PPIB: variants seen among roughly 807,000 people sequenced by gnomAD.
The protein encoded by PPIB is peptidylprolyl isomerase B.
PPIB carries 15 observed loss-of-function variants against 20.1 expected under a neutral mutation model. The observed-to-expected ratio is 0.75, with a 90% CI of 0.50 to 1.15. The LOEUF (loss-of-function observed/expected upper bound fraction) is 1.15, where lower values mean the gene tolerates loss of function less well. Ranked by LOEUF, PPIB falls within the 50% of genes most tolerant of loss-of-function variation. PPIB has a pLI of 0.00. For missense variants in PPIB, 278 were observed against 283.0 expected, an observed-to-expected ratio of 0.98 and a Z score of 0.13; for synonymous variants, 129 against 111.0, an observed-to-expected ratio of 1.16 and a Z score of -1.02.
rs189939991 is a variant in PPIB at position 64,161,280 on chromosome 15, T to A, written c.249+761A>T. The stretch of plus-strand genomic sequence containing the variant: ...CCCGGCCTTTTATTTTTAATTAATT[T>A]ATTTTTTTTTTGAGACAGGGTCTCA... On this transcript the variant is annotated intron_variant, in intron 2 of 4. Coordinates refer to ENST00000300026, the MANE Select transcript of PPIB (RefSeq NM_000942.5). This position sits in a 1 kb window ranked among gnomAD's most constrained non-coding sequence, Gnocchi z 4.2. Among the ~76,000 whole-genome samples, 29 of 152,040 alleles carry A rather than the reference T, an allele frequency of 1.9e-4. No homozygotes were observed. The highest frequency in any genetic ancestry group is 5.8e-4 in the East Asian group (3 of 5,160).
rs772423240 is a variant in PPIB, at chr15:64,162,872, CCTT to C, written c.112_114del (p.Lys38del). On this transcript the variant is annotated inframe_deletion, in exon 1 of 5. Coordinates refer to ENST00000300026, the MANE Select transcript of PPIB (RefSeq NM_000942.5). ...CGGACCTTGACGGTGACTTTGGGCC[CCTT>C]CTTCTTCTCATCGGCCGCAGAAGGT... The C allele has an allele frequency of 2.3e-5, 37 of 1,611,772 alleles. No individual in the cohort carries two copies. Among genetic ancestry groups the C allele is most frequent in the African/African-American group, 1.5e-4 (11 of 74,910 alleles).
rs541905319 is a variant in PPIB, at chr15:64,158,802, C to A, written c.343+1302G>T. Among the ~76,000 whole-genome samples, 1 of 152,354 alleles carries A rather than the reference C, an allele frequency of 6.6e-6. No homozygotes were observed. Among genetic ancestry groups the A allele is most frequent in the African/African-American group, 2.4e-5 (1 of 41,598 alleles). On this transcript the variant is annotated intron_variant, in intron 3 of 4. Coordinates refer to ENST00000300026, the MANE Select transcript of PPIB (RefSeq NM_000942.5). The surrounding 1 kb of genome is among the most constrained non-coding windows in gnomAD (Gnocchi z 4.7). ...TCCTCATTGAGGACCCCACTGAAATCTTTCCTCACATCCGCAAGGTCATTC... is the reference window on the plus strand; with the variant it reads ...TCCTCATTGAGGACCCCACTGAAATATTTCCTCACATCCGCAAGGTCATTC...
rs2081530595 is a variant in PPIB at position 64,156,247 on chromosome 15, G to C, written c.529-102C>G. ...GGCTCAGGAGGGCTAAGACCCACAA[G>C]TGATCAACAGCACACAAAACTGGAG... On this transcript the variant is annotated intron_variant, in intron 4 of 4. Transcript: ENST00000300026. The surrounding 1 kb of genome is among the most constrained non-coding windows in gnomAD (Gnocchi z 6.4). The C allele has an allele frequency of 2.7e-6, 4 of 1,457,272 alleles. No homozygotes were observed. Among genetic ancestry groups the C allele is most frequent in the Non-Finnish European group, 3.8e-6 (4 of 1,056,922 alleles). 90.3% of individuals were successfully genotyped at this position (1,457,272 alleles called of 1,614,324 possible). A position where few individuals can be genotyped will look rare whatever the true frequency, so the allele number is the denominator to read the frequency against.
At position 64,162,399 on chromosome 15, in the gene PPIB, A is replaced by G. The variant is rs112549894; in HGVS notation, c.136-245T>C. On this transcript the variant is annotated intron_variant, in intron 1 of 4. Transcript: ENST00000300026. ...ACTACAGGATAACAATATTTGCTCT[A>G]AACAGCTAATGGACCCAGATTCTAA... is the stretch of plus-strand genomic sequence containing the variant. Among the ~76,000 whole-genome samples, 780 of 152,344 alleles carry G rather than the reference A, an allele frequency of 5.1e-3. 10 individuals carry two copies. Among genetic ancestry groups the G allele is most frequent in the African/African-American group, 0.017 (724 of 41,588 alleles).
At position 64,155,869 on chromosome 15, in the gene PPIB, G is replaced by GTT. The variant is rs1255841968; in HGVS notation, c.*152_*153dup. 9 of 1,139,190 alleles carry GTT rather than the reference G, an allele frequency of 7.9e-6. No homozygotes were observed. The highest frequency in any genetic ancestry group is 7.7e-5 in the African/African-American group (5 of 65,236). 70.6% of individuals were successfully genotyped at this position (1,139,190 alleles called of 1,614,324 possible). On this transcript the variant is annotated 3_prime_UTR_variant, in exon 5 of 5. Coordinates refer to ENST00000300026, the MANE Select transcript of PPIB (RefSeq NM_000942.5). ...TTTTTATTGGTCAGTGTTGGTAGGA[G>GTT]TTTGTTACAAAAGTGAGTCCATGGG... is the stretch of plus-strand genomic sequence containing the variant.
Position 64,161,992 on chromosome 15 carries a change from T to G in PPIB, c.249+49A>C. ...CAGGTCAGTTTGCTGCCATCCCCAG[T>G]GCCAATTTCACTTCATGTGAGTTGA... On this transcript the variant is annotated intron_variant, in intron 2 of 4. Coordinates refer to ENST00000300026, the MANE Select transcript of PPIB (RefSeq NM_000942.5). This position sits in a 1 kb window ranked among gnomAD's most constrained non-coding sequence, Gnocchi z 4.2. The G allele has an allele frequency of 7.3e-7, 1 of 1,377,114 alleles. No homozygotes were observed. The highest frequency in any genetic ancestry group is 1.0e-6 in the Non-Finnish European group (1 of 964,300). The allele number at this position is 1,377,114 out of a possible 1,614,324, so 85.3% of individuals were successfully genotyped here. A position where few individuals can be genotyped will look rare whatever the true frequency, so the allele number is the denominator to read the frequency against.
Position 64,156,294 on chromosome 15 carries a change from C to T in PPIB, c.529-149G>A. The T allele has an allele frequency of 3.9e-6, 4 of 1,020,362 alleles. No individual in the cohort carries two copies. The highest frequency in any genetic ancestry group is 5.9e-6 in the Non-Finnish European group (4 of 672,348). The allele number at this position is 1,020,362 out of a possible 1,614,324, so 63.2% of individuals were successfully genotyped here. A position where few individuals can be genotyped will look rare whatever the true frequency, so the allele number is the denominator to read the frequency against. On this transcript the variant is annotated intron_variant, in intron 4 of 4. Transcript: ENST00000300026. The surrounding 1 kb of genome is among the most constrained non-coding windows in gnomAD (Gnocchi z 6.4). ...GGAGGCACCAAAATTCTAACAGACT[C>T]CTGGCCAGAGCAGGGAGAATGCAGA...
chr15:64,157,110 G>A lies in PPIB; in HGVS notation c.344-201C>T, dbSNP rs907412669. ...TGACTGAGGCCAAGTGGGGCATCAG[G>A]CCAGGCTGATGTGGTGAACAGCTCA... is the stretch of plus-strand genomic sequence containing the variant. On this transcript the variant is annotated intron_variant, in intron 3 of 4. Coordinates refer to ENST00000300026, the MANE Select transcript of PPIB (RefSeq NM_000942.5). The surrounding 1 kb of genome is among the most constrained non-coding windows in gnomAD (Gnocchi z 4.2). The A allele has an allele frequency of 1.6e-6, 1 of 610,026 alleles. No individual in the cohort carries two copies. The highest frequency in any genetic ancestry group is 1.8e-5 in the African/African-American group (1 of 54,160). 37.8% of individuals were successfully genotyped at this position (610,026 alleles called of 1,614,324 possible). A position where few individuals can be genotyped will look rare whatever the true frequency, so the allele number is the denominator to read the frequency against.
Position 64,156,680 on chromosome 15 carries a change from C to T in PPIB, c.528+45G>A. ...CCTGCCCTGGGGTCTGTGTTGAATC[C>T]CCGGTGAGGATTGCCCAGTAGTAGC... On this transcript the variant is annotated intron_variant, in intron 4 of 4. Coordinates refer to ENST00000300026, the MANE Select transcript of PPIB (RefSeq NM_000942.5). The surrounding 1 kb of genome is among the most constrained non-coding windows in gnomAD (Gnocchi z 6.4). 1 of 1,610,306 alleles carries T rather than the reference C, an allele frequency of 6.2e-7. No homozygotes were observed.
chr15:64,157,659 C>G lies in PPIB; in HGVS notation c.344-750G>C, dbSNP rs2081543050. Among the ~76,000 whole-genome samples, 1 of 152,054 alleles carries G rather than the reference C, an allele frequency of 6.6e-6. No homozygotes were observed. Reference sequence around the variant, plus strand: ...GTGCATGAGGCCCCAAGAAACTCAGCCAAAAATGGGGTCATTTTCATTTTG... The same window carrying G: ...GTGCATGAGGCCCCAAGAAACTCAGGCAAAAATGGGGTCATTTTCATTTTG... On this transcript the variant is annotated intron_variant, in intron 3 of 4. Coordinates refer to ENST00000300026, the MANE Select transcript of PPIB (RefSeq NM_000942.5). The surrounding 1 kb of genome is among the most constrained non-coding windows in gnomAD (Gnocchi z 4.2).
rs1252005667 is a variant in PPIB at position 64,158,126 on chromosome 15, A to C, written c.344-1217T>G. On this transcript the variant is annotated intron_variant, in intron 3 of 4. Coordinates refer to ENST00000300026, the MANE Select transcript of PPIB (RefSeq NM_000942.5). This position sits in a 1 kb window ranked among gnomAD's most constrained non-coding sequence, Gnocchi z 4.7. ...ATGGACATTTCTATTTAAACTCAAC[A>C]TACCTTGTCATCTTTCTCTCCAGAC... Among the ~76,000 whole-genome samples, 1 of 152,148 alleles carries C rather than the reference A, an allele frequency of 6.6e-6. No homozygotes were observed. The highest frequency in any genetic ancestry group is 1.5e-5 in the Non-Finnish European group (1 of 68,004).
At position 64,161,838 on chromosome 15, in the gene PPIB, G is replaced by A. The variant is rs1443653626; in HGVS notation, c.249+203C>T. ...CCTACTTTGGCCTCCAAAAGTGCTGGGATTTTAAGTGTGAGCCACTGTGCC... is the reference window on the plus strand; with the variant it reads ...CCTACTTTGGCCTCCAAAAGTGCTGAGATTTTAAGTGTGAGCCACTGTGCC... On this transcript the variant is annotated intron_variant, in intron 2 of 4. Coordinates refer to ENST00000300026, the MANE Select transcript of PPIB (RefSeq NM_000942.5). This position sits in a 1 kb window ranked among gnomAD's most constrained non-coding sequence, Gnocchi z 4.2. Among the ~76,000 whole-genome samples the A allele has an allele frequency of 6.6e-6, 1 of 152,160 alleles. No individual in the cohort carries two copies. The highest frequency in any genetic ancestry group is 2.4e-5 in the African/African-American group (1 of 41,440).
chr15:64,160,682 T>G lies in PPIB; in HGVS notation c.250-485A>C, dbSNP rs1354121494. ...TTTTTTTGAGACAGAGTTTCTCTCTTGTCACCCAGGCTGGAGTGCAATGGC... is the reference window on the plus strand; with the variant it reads ...TTTTTTTGAGACAGAGTTTCTCTCTGGTCACCCAGGCTGGAGTGCAATGGC... On this transcript the variant is annotated intron_variant, in intron 2 of 4. Transcript: ENST00000300026. This position sits in a 1 kb window ranked among gnomAD's most constrained non-coding sequence, Gnocchi z 4.8. Among the ~76,000 whole-genome samples, 2 of 151,704 alleles carry G rather than the reference T, an allele frequency of 1.3e-5. No homozygotes were observed. The highest frequency in any genetic ancestry group is 2.9e-5 in the Non-Finnish European group (2 of 68,038).
In PPIB at chr15:64,156,874, T is replaced by C. The variant is rs2081536712; in HGVS notation, c.379A>G (p.Asn127Asp). 1.2e-6 allele frequency: 2 copies of C among 1,614,040 alleles called. No homozygotes were observed. The highest frequency in any genetic ancestry group is 1.7e-6 in the Non-Finnish European group (2 of 1,180,028). The change falls in exon 4 of 5, where the codon AAC becomes GAC. Residue 127 changes from asparagine to aspartate, a missense_variant. Coordinates refer to ENST00000300026, the MANE Select transcript of PPIB (RefSeq NM_000942.5). This position sits in a 1 kb window ranked among gnomAD's most constrained non-coding sequence, Gnocchi z 6.4. ...SIYGERFPDE[N>D]FKLKHYGPGW... Reference sequence around the variant, plus strand: ...GGCCCGTAGTGCTTCAGTTTGAAGTTCTCATCGGGGAAGCGCTCACCGTAG... The same window carrying C: ...GGCCCGTAGTGCTTCAGTTTGAAGTCCTCATCGGGGAAGCGCTCACCGTAG...
rs1016415493 is a variant in PPIB, at chr15:64,161,649, C to T, written c.249+392G>A. On this transcript the variant is annotated intron_variant, in intron 2 of 4. Transcript: ENST00000300026. This position sits in a 1 kb window ranked among gnomAD's most constrained non-coding sequence, Gnocchi z 4.2. The stretch of plus-strand genomic sequence containing the variant: ...CTGAGGCAGGAGAATCACTTAAACC[C>T]GGGAGGCGGAGGTTGCAGTGAGCTG... Among the ~76,000 whole-genome samples the T allele has an allele frequency of 2.6e-5, 4 of 151,380 alleles. No homozygotes were observed. The highest frequency in any genetic ancestry group is 6.6e-5 in the Admixed American group (1 of 15,208).
rs1225947684 is a variant in PPIB at position 64,161,835 on chromosome 15, C to T, written c.249+206G>A. ...CCTCCTACTTTGGCCTCCAAAAGTG[C>T]TGGGATTTTAAGTGTGAGCCACTGT... On this transcript the variant is annotated intron_variant, in intron 2 of 4. Transcript: ENST00000300026. This position sits in a 1 kb window ranked among gnomAD's most constrained non-coding sequence, Gnocchi z 4.2. 1.3e-5 allele frequency among the ~76,000 whole-genome samples: 2 copies of T among 152,124 alleles called. No homozygotes were observed. Among genetic ancestry groups the T allele is most frequent in the Non-Finnish European group, 2.9e-5 (2 of 68,020 alleles).
At position 64,156,634 on chromosome 15, in the gene PPIB, A is replaced by G. The variant is rs764378674; in HGVS notation, c.528+91T>C. Reference sequence around the variant, plus strand: ...ATCTGTGGGTTGGGTCCTTTTGGGAAAGGGATGGACACATGGAGCTCCTGC... The same window carrying G: ...ATCTGTGGGTTGGGTCCTTTTGGGAGAGGGATGGACACATGGAGCTCCTGC... On this transcript the variant is annotated intron_variant, in intron 4 of 4. Coordinates refer to ENST00000300026, the MANE Select transcript of PPIB (RefSeq NM_000942.5). This position sits in a 1 kb window ranked among gnomAD's most constrained non-coding sequence, Gnocchi z 6.4. 6.6e-7 allele frequency: 1 copy of G among 1,504,552 alleles called. No individual in the cohort carries two copies. Among genetic ancestry groups the G allele is most frequent in the Non-Finnish European group, 9.3e-7 (1 of 1,080,956 alleles). The allele number at this position is 1,504,552 out of a possible 1,614,324, so 93.2% of individuals were successfully genotyped here.
chr15:64,159,980 A>G lies in PPIB; in HGVS notation c.343+124T>C, dbSNP rs1310385711. 3 of 830,884 alleles carry G rather than the reference A, an allele frequency of 3.6e-6. No individual in the cohort carries two copies. In the African/African-American group the frequency reaches 5.1e-5, roughly 14 times the overall value. 51.5% of individuals were successfully genotyped at this position (830,884 alleles called of 1,614,324 possible). A position where few individuals can be genotyped will look rare whatever the true frequency, so the allele number is the denominator to read the frequency against. On this transcript the variant is annotated intron_variant, in intron 3 of 4. Coordinates refer to ENST00000300026, the MANE Select transcript of PPIB (RefSeq NM_000942.5). The surrounding 1 kb of genome is among the most constrained non-coding windows in gnomAD (Gnocchi z 5.1). ...GGTGCCGCTGGTCTCAAAGTAGGTA[A>G]GTAATAAGTAGGCCTGCCTCTAGAG...
chr15:64,158,287 G>C lies in PPIB; in HGVS notation c.344-1378C>G, dbSNP rs778894307. Among the ~76,000 whole-genome samples the C allele has an allele frequency of 1.4e-4, 22 of 152,164 alleles. No individual in the cohort carries two copies. Among genetic ancestry groups the C allele is most frequent in the Non-Finnish European group, 2.2e-4 (15 of 68,040 alleles). ...CGAGTGCTTAGGGTGCTCATAGTGT[G>C]AGCCAGAGACTGTTCCAAGCATCTT... On this transcript the variant is annotated intron_variant, in intron 3 of 4. Coordinates refer to ENST00000300026, the MANE Select transcript of PPIB (RefSeq NM_000942.5). The surrounding 1 kb of genome is among the most constrained non-coding windows in gnomAD (Gnocchi z 4.7).
Sources: gnomAD v4.1 joint callset for allele counts (sites outside exome capture counted in the v4.1 genomes callset) on GRCh38, gnomAD v4.1.1 for gene constraint, Gnocchi (gnomAD v3.1) non-coding constraint, MANE v1.5 for transcripts, NCBI Gene and HGNC (gene_info 2026-07-23, HGNC 2026-07-21) for gene names.